The following BCKDHB variants were observed in gnomAD, a reference collection of about 807,000 sequenced individuals.
The protein encoded by BCKDHB is branched chain keto acid dehydrogenase E1 subunit beta.
A neutral mutation model predicts 48.5 loss-of-function variants in BCKDHB; 41 were observed. The ratio of observed to expected loss-of-function variants is 0.85; its 90% confidence interval spans 0.66 to 1.10. The LOEUF (loss-of-function observed/expected upper bound fraction) is 1.10. Ranked by LOEUF, BCKDHB falls within the 50% of genes least tolerant of loss-of-function variation. BCKDHB has a pLI of 0.00. For synonymous variants in BCKDHB, 201 were observed against 174.8 expected (o/e 1.15, Z -1.18); for missense variants, 496 against 494.2 (o/e 1.00, Z -0.03).
intron 9 of BCKDHB, among the ~76,000 whole-genome samples, chr6:80,280,937 A>G (rs1778166981): frequency 6.6e-6 from 1 of 152,266 alleles, no homozygotes; most frequent in East Asian, 1.9e-4. Flanking sequence ...AGTCAAGAAT[A>G]AAGCATAGCT....
chr6:80,308,931 C>G (rs1036637251), intron 9 of BCKDHB, among the ~76,000 whole-genome samples: 1 of 152,078 alleles, frequency 6.6e-6, no homozygotes, highest in Non-Finnish European at 1.5e-5. Flanking sequence ...ATACCTACCA[C>G]ACATAGATTT....
At chr6:80,285,686 T>C (rs902225278) in intron 9 of BCKDHB, among the ~76,000 whole-genome samples, 13 of 152,158 alleles carry the variant, frequency 8.5e-5, no homozygotes, top group Admixed American at 8.5e-4. Context: ...ATATTTTTTG[T>C]CACCATGGGT....
rs186924453 is a variant in BCKDHB at position 80,299,433 on chromosome 6, C to G, written c.1038+26212C>G. On this transcript the variant is annotated intron_variant, in intron 9 of 9. Transcript: ENST00000320393. The stretch of plus-strand genomic sequence containing the variant: ...GGGGGTTTCCTCAGTATTTTTCCAT[C>G]TGGGTCACCAGAAAGATGTTACTGG... Among the ~76,000 whole-genome samples the G allele has an allele frequency of 3.4e-3, 519 of 152,260 alleles. 3 individuals carry two copies. Among genetic ancestry groups the G allele is most frequent in the Non-Finnish European group, 3.8e-3 (261 of 68,026 alleles).
intron 8 of BCKDHB, among the ~76,000 whole-genome samples, chr6:80,244,748 A>G (rs1776536036): frequency 2.0e-5 from 3 of 152,226 alleles, no homozygotes. Context: ...CAATAAAGTA[A>G]TGATAGCTTG....
chr6:80,137,032 A>G (rs1162799078), intron 3 of BCKDHB, among the ~76,000 whole-genome samples: 1 of 152,200 alleles, frequency 6.6e-6, no homozygotes, highest in Non-Finnish European at 1.5e-5. Context: ...ACACAGCCAC[A>G]GTGGAAAACA....
At chr6:80,170,040 CT>C in intron 5 of BCKDHB, 2 of 679,428 alleles carry the variant, frequency 2.9e-6, no homozygotes, top group Non-Finnish European at 3.6e-6. Context: ...CTTCCTCTTC[CT>C]TTTTCCTTTT....
the BCKDHB span, among the ~76,000 whole-genome samples, chr6:80,424,684 C>A: frequency 0.089 from 13,534 of 152,160 alleles, 671 homozygotes; most frequent in Non-Finnish European, 0.11. Context: ...AGAATTCTTT[C>A]ATTGAGTTTC....
intron 1 of BCKDHB, among the ~76,000 whole-genome samples, chr6:80,125,539 G>T (rs1461170147): frequency 6.6e-6 from 1 of 152,148 alleles, no homozygotes; most frequent in Non-Finnish European, 1.5e-5. Context: ...TCCGTACTTA[G>T]CTTAGTCATT....
chr6:80,134,149 C>G lies in BCKDHB; in HGVS notation c.343+4920C>G, dbSNP rs1459972601. On this transcript the variant is annotated intron_variant, in intron 3 of 9. Coordinates refer to ENST00000320393, the MANE Select transcript of BCKDHB (RefSeq NM_183050.4). ...TGATATAACTTGCCTGGTTGTGGTTCTTAGTGTATATTTGGCCCACTTATT... is the reference window on the plus strand; with the variant it reads ...TGATATAACTTGCCTGGTTGTGGTTGTTAGTGTATATTTGGCCCACTTATT... Among the ~76,000 whole-genome samples the G allele has an allele frequency of 1.3e-5, 2 of 152,016 alleles. 1 individual carries two copies. Among genetic ancestry groups the G allele is most frequent in the South Asian group, 4.2e-4 (2 of 4,818 alleles).
intron 1 of BCKDHB, among the ~76,000 whole-genome samples, chr6:80,107,556 T>TGC (rs1288503548): frequency 1.8e-4 from 22 of 124,478 alleles, no homozygotes; most frequent in African/African-American, 6.4e-4. Flanking sequence ...CACATATATA[T>TGC]GCATATATAT....
At chr6:80,235,285 T>G (rs1776103899) in intron 8 of BCKDHB, among the ~76,000 whole-genome samples, 1 of 152,228 alleles carries the variant, frequency 6.6e-6, no homozygotes, top group African/African-American at 2.4e-5. Context: ...TATGTACAAC[T>G]GTTATGTGTC....
At chr6:80,306,276 T>C (rs1339531872) in intron 9 of BCKDHB, among the ~76,000 whole-genome samples, 17 of 152,324 alleles carry the variant, frequency 1.1e-4, no homozygotes, top group Admixed American at 2.6e-4. Flanking sequence ...CAATAACATA[T>C]TTATTTAACA....
chr6:80,448,449 G>A, the BCKDHB span, among the ~76,000 whole-genome samples: 1 of 152,272 alleles, frequency 6.6e-6, no homozygotes, highest in Non-Finnish European at 1.5e-5. Context: ...TCAGGAGGTT[G>A]CTCAGTACAT....
At chr6:80,339,004 T>TAA (rs57128019) in intron 9 of BCKDHB, among the ~76,000 whole-genome samples, 101 of 119,322 alleles carry the variant, frequency 8.5e-4, no homozygotes, top group Middle Eastern at 4.5e-3. Context: ...AACCTTGCCA[T>TAA]AAAAAAAAAA....
At chr6:80,249,070 A>T (rs1776733982) in intron 8 of BCKDHB, among the ~76,000 whole-genome samples, 1 of 152,012 alleles carries the variant, frequency 6.6e-6, no homozygotes, top group Non-Finnish European at 1.5e-5. Flanking sequence ...TAACCATGTT[A>T]ACATGAATTT....
intron 9 of BCKDHB, among the ~76,000 whole-genome samples, chr6:80,323,962 CG>C (rs1399445431): frequency 6.6e-6 from 1 of 152,088 alleles, no homozygotes; most frequent in African/African-American, 2.4e-5. Context: ...TTAGTAGAGA[CG>C]GGGTTTCACC....
intron 9 of BCKDHB, among the ~76,000 whole-genome samples, chr6:80,274,807 A>G (rs644666): frequency 0.9 from 136,524 of 151,920 alleles, 61,397 homozygotes; most frequent in East Asian, 0.99. Flanking sequence ...AGATTGGAAT[A>G]GAATTAGAAA....
chr6:80,351,095 A>G (rs1402250716), downstream of BCKDHB, among the ~76,000 whole-genome samples: 3 of 152,208 alleles, frequency 2.0e-5, no homozygotes, highest in Non-Finnish European at 4.4e-5. Context: ...TTAACCTTGT[A>G]TACTAGTTCT....
At chr6:80,424,009 A>G in the BCKDHB span, among the ~76,000 whole-genome samples, 1 of 152,172 alleles carries the variant, frequency 6.6e-6, no homozygotes, top group Non-Finnish European at 1.5e-5. Flanking sequence ...ATGTGAATGT[A>G]TGGTGATAGA....
Sources: gnomAD v4.1 joint callset for allele counts (sites outside exome capture counted in the v4.1 genomes callset) on GRCh38, gnomAD v4.1.1 for gene constraint, MANE v1.5 for transcripts, NCBI Gene and HGNC (gene_info 2026-07-23, HGNC 2026-07-21) for gene names.